Variants in ARHGAP22 observed in about 807,000 individuals in gnomAD.
ARHGAP22 encodes rho GTPase-activating protein 22.
ARHGAP22 carries 48 observed loss-of-function variants against 59.1 expected under a neutral mutation model. The ratio of observed to expected loss-of-function variants is 0.81; its 90% CI spans 0.64 to 1.03. The LOEUF (loss-of-function observed/expected upper bound fraction) is 1.03. ARHGAP22 is among the 50% of genes least tolerant of loss of function. The pLI, the probability that ARHGAP22 is intolerant of heterozygous loss-of-function variation, is 0.00. For synonymous variants in ARHGAP22, 445 were observed against 416.4 expected (o/e 1.07, Z -0.84); for missense variants, 1,015 against 958.7 (o/e 1.06, Z -0.78).
At chr10:48,468,601 G>C (rs753641974) in intron 4 of ARHGAP22, among the ~76,000 whole-genome samples, 1 of 152,176 alleles carries the variant, frequency 6.6e-6, no homozygotes, top group Non-Finnish European at 1.5e-5. Context: ...AGATAATCAC[G>C]TTGTGTTGTT....
intron 3 of ARHGAP22, among the ~76,000 whole-genome samples, chr10:48,527,271 G>A (rs2054410040): frequency 1.3e-5 from 2 of 151,990 alleles, no homozygotes; most frequent in Admixed American, 6.6e-5. Context: ...ATGGAGTAAT[G>A]GATGTTTGGA....
intron 3 of ARHGAP22, among the ~76,000 whole-genome samples, chr10:48,508,747 G>A (rs2052429998): frequency 1.3e-5 from 2 of 152,270 alleles, no homozygotes; most frequent in Non-Finnish European, 2.9e-5. Context: ...AGGGTAAATT[G>A]TATGGGAGGC....
intron 2 of ARHGAP22, among the ~76,000 whole-genome samples, chr10:48,578,277 G>T (rs909327221): frequency 1.3e-5 from 2 of 152,066 alleles, no homozygotes; most frequent in African/African-American, 4.8e-5. Flanking sequence ...TTGGGATTTA[G>T]CTGTCTTGGA....
the ARHGAP22 span, chr10:48,430,871 G>A: frequency 2.9e-6 from 1 of 349,046 alleles, no homozygotes; most frequent in Admixed American, 4.8e-5. Flanking sequence ...GTACAGAATG[G>A]TATGTGGTAT....
At position 48,450,438 on chromosome 10, in the gene ARHGAP22, A is replaced by G. The variant is rs776292832; in HGVS notation, c.1691T>C (p.Leu564Pro). The stretch of plus-strand genomic sequence containing the variant: ...CTCGTCCATGCTGTGGTCCAGGTCC[A>G]GGGACTTGGGGTCCTCGCTGCTGCT... ...LPSSSEDPKS[L>P]DLDHSMDEAG... is the part of the protein sequence containing the mutation. Residue 564 changes from leucine (L) to proline (P), a missense_variant, in exon 9 of 10, where the codon CTG (leucine) becomes CCG (proline). Coordinates refer to ENST00000249601, the MANE Select transcript of ARHGAP22 (RefSeq NM_021226.4). 2.6e-5 allele frequency: 40 copies of G among 1,561,780 alleles called. No homozygotes were observed. In the African/African-American group the frequency reaches 4.9e-4, roughly 19 times the overall value.
chr10:48,522,153 G>C (rs1339801860), intron 3 of ARHGAP22, among the ~76,000 whole-genome samples: 1 of 152,194 alleles, frequency 6.6e-6, no homozygotes, highest in African/African-American at 2.4e-5. Flanking sequence ...AATTGCATGG[G>C]TTCTCTCCTC....
At chr10:48,544,241 T>C (rs1190556676) in intron 3 of ARHGAP22, among the ~76,000 whole-genome samples, 1 of 152,164 alleles carries the variant, frequency 6.6e-6, no homozygotes, top group Non-Finnish European at 1.5e-5. Context: ...CCTTCTACGA[T>C]CAGATGATGA....
intron 3 of ARHGAP22, among the ~76,000 whole-genome samples, chr10:48,544,092 C>T (rs949855714): frequency 9.2e-5 from 14 of 151,584 alleles, no homozygotes; most frequent in Non-Finnish European, 1.2e-4. Flanking sequence ...CACTGCACTC[C>T]GGCCTGGGTG....
intron 8 of ARHGAP22, chr10:48,451,682 C>T: frequency 1.7e-6 from 1 of 600,436 alleles, no homozygotes; most frequent in South Asian, 1.8e-5. Context: ...CCCACAATCA[C>T]ACGTACAATG....
chr10:48,527,804 G>A (rs1290820582), intron 3 of ARHGAP22, among the ~76,000 whole-genome samples: 1 of 152,214 alleles, frequency 6.6e-6, no homozygotes, highest in Admixed American at 6.5e-5. Flanking sequence ...GGCTCTAGCT[G>A]TGCTCAAGCC....
intron 3 of ARHGAP22, among the ~76,000 whole-genome samples, chr10:48,480,530 A>G (rs1444679450): frequency 6.6e-6 from 1 of 152,204 alleles, no homozygotes; most frequent in African/African-American, 2.4e-5. Context: ...ACTATCTGCC[A>G]GTAGGGTGTG....
chr10:48,516,481 T>C (rs1589876923), intron 3 of ARHGAP22, among the ~76,000 whole-genome samples: 1 of 152,236 alleles, frequency 6.6e-6, no homozygotes, highest in African/African-American at 2.4e-5. Context: ...TGAGCCATGA[T>C]TGTACCACTG....
intron 4 of ARHGAP22, among the ~76,000 whole-genome samples, chr10:48,477,354 C>A (rs1172615796): frequency 1.3e-5 from 2 of 152,102 alleles, no homozygotes; most frequent in Middle Eastern, 3.2e-3. Context: ...TGGATTCATT[C>A]CCATTGTTGT....
chr10:48,475,979 CCTTT>C (rs1038476720), intron 4 of ARHGAP22, among the ~76,000 whole-genome samples: 27 of 152,308 alleles, frequency 1.8e-4, no homozygotes, highest in African/African-American at 5.8e-4. Flanking sequence ...TGTTATCCAC[CCTTT>C]CTTTCCTTCT....
At chr10:48,506,570 C>T (rs567960837) in intron 3 of ARHGAP22, among the ~76,000 whole-genome samples, 5 of 152,280 alleles carry the variant, frequency 3.3e-5, no homozygotes, top group South Asian at 4.1e-4. Context: ...CATCCAGACA[C>T]GTAAGAAGTA....
chr10:48,643,122 C>A (rs2062125121), intron 1 of ARHGAP22, among the ~76,000 whole-genome samples: 1 of 152,162 alleles, frequency 6.6e-6, no homozygotes, highest in Non-Finnish European at 1.5e-5. Context: ...GAAATAGGAA[C>A]ACTTTTACAC....
At chr10:48,466,674 G>A (rs1396809701) in intron 4 of ARHGAP22, 1 of 66 alleles carries the variant, frequency 0.015, no homozygotes, top group African/African-American at 0.038. Context: ...TCAGGCCCAT[G>A]GCGCGCCTAT....
rs373232396 is a variant in ARHGAP22 at position 48,479,456 on chromosome 10, C to T, written c.451+180G>A. ...TTCAATAAAGGAGGAAGTGAGTACA[C>T]GGCAGCCGTTGGGTGACTCCCGAGG... On this transcript the variant is annotated intron_variant, in intron 4 of 9. Coordinates refer to ENST00000249601, the MANE Select transcript of ARHGAP22 (RefSeq NM_021226.4). The T allele has an allele frequency of 4.7e-5, 51 of 1,095,466 alleles. No individual in the cohort carries two copies. The African/African-American group carries it at 5.4e-4, about 12-fold the overall frequency. The allele number at this position is 1,095,466 out of a possible 1,614,324, so 67.9% of individuals were successfully genotyped here.
At chr10:48,620,116 C>T (rs530105944) in intron 1 of ARHGAP22, among the ~76,000 whole-genome samples, 1 of 152,312 alleles carries the variant, frequency 6.6e-6, no homozygotes, top group Admixed American at 6.5e-5. Context: ...AATAGATTTA[C>T]TTCAAGCTAT....
Sources: allele counts gnomAD v4.1 joint callset (sites outside exome capture counted in the v4.1 genomes callset), GRCh38; gene constraint gnomAD v4.1.1; transcripts MANE v1.5; gene names NCBI Gene and HGNC (gene_info 2026-07-23, HGNC 2026-07-21).